Variants in COX7B2 observed in about 807,000 individuals in gnomAD.
COX7B2 encodes the protein cytochrome c oxidase subunit 7B2, mitochondrial.
For synonymous variants in COX7B2, 37 were observed against 32.1 expected (o/e 1.15, Z -0.51); for missense variants, 109 against 95.9 (o/e 1.14, Z -0.57).
chr4:46,808,433 C>A (rs1258464374), intron 2 of COX7B2, among the ~76,000 whole-genome samples: 1 of 151,552 alleles, frequency 6.6e-6, no homozygotes, highest in Non-Finnish European at 1.5e-5. Context: ...TTGTGGAATT[C>A]TGGTTTTTTT....
At chr4:46,769,735 T>G (rs1228959723) in intron 2 of COX7B2, among the ~76,000 whole-genome samples, 1 of 151,902 alleles carries the variant, frequency 6.6e-6, no homozygotes, top group Non-Finnish European at 1.5e-5. Flanking sequence ...AAACAAAAAC[T>G]GATGATTTTG....
chr4:46,903,472 TA>T (rs1720189010), intron 1 of COX7B2, among the ~76,000 whole-genome samples: 2 of 152,032 alleles, frequency 1.3e-5, no homozygotes, highest in African/African-American at 4.8e-5. Flanking sequence ...TTTTTTTTTT[TA>T]AATAAATTCA....
At chr4:46,882,433 C>A (rs1718807493) in intron 1 of COX7B2, among the ~76,000 whole-genome samples, 1 of 152,162 alleles carries the variant, frequency 6.6e-6, no homozygotes, top group Non-Finnish European at 1.5e-5. Flanking sequence ...ATCTACGTCT[C>A]TTTGTAGGTC....
intron 2 of COX7B2, among the ~76,000 whole-genome samples, chr4:46,739,703 A>T (rs114563679): frequency 0.011 from 1,708 of 152,188 alleles, 20 homozygotes; most frequent in Middle Eastern, 0.037. Context: ...GTGGGGAGGA[A>T]TACAGAGATG....
At chr4:46,876,923 A>G (rs562923535) in intron 1 of COX7B2, among the ~76,000 whole-genome samples, 5 of 152,348 alleles carry the variant, frequency 3.3e-5, no homozygotes, top group East Asian at 1.9e-4. Flanking sequence ...CTACTTTTGT[A>G]TATAAAAATT....
At chr4:46,781,129 A>G (rs115124404) in intron 2 of COX7B2, among the ~76,000 whole-genome samples, 1,674 of 152,298 alleles carry the variant, frequency 0.011, 19 homozygotes, top group Middle Eastern at 0.041. Flanking sequence ...TAGCTAGTAG[A>G]CTTACTATTA....
At chr4:46,738,397 A>G (rs2109391591) in intron 2 of COX7B2, among the ~76,000 whole-genome samples, 1 of 152,206 alleles carries the variant, frequency 6.6e-6, no homozygotes, top group South Asian at 2.1e-4. Context: ...TCTATTACTA[A>G]GAATTCTCCT....
intron 1 of COX7B2, among the ~76,000 whole-genome samples, chr4:46,848,266 C>T (rs1213332439): frequency 6.6e-6 from 1 of 151,982 alleles, no homozygotes; most frequent in African/African-American, 2.4e-5. Flanking sequence ...ATTACTAAAT[C>T]ACTAACATAC....
At chr4:46,818,944 C>G (rs1324209269) in intron 2 of COX7B2, among the ~76,000 whole-genome samples, 1 of 152,184 alleles carries the variant, frequency 6.6e-6, no homozygotes, top group African/African-American at 2.4e-5. Flanking sequence ...AAAATTCTTT[C>G]TACTTATTAC....
chr4:46,781,413 C>A (rs1717438931), intron 2 of COX7B2, among the ~76,000 whole-genome samples: 1 of 152,236 alleles, frequency 6.6e-6, no homozygotes, highest in African/African-American at 2.4e-5. Context: ...ATCTGATACA[C>A]CTTCCTCAGA....
chr4:46,738,834 C>T (rs990221924), intron 2 of COX7B2, among the ~76,000 whole-genome samples: 1 of 151,966 alleles, frequency 6.6e-6, no homozygotes, highest in African/African-American at 2.4e-5. Flanking sequence ...AGTAAAAGTT[C>T]CCTCATGCCC....
At chr4:46,802,968 T>C (rs1718738302) in intron 2 of COX7B2, among the ~76,000 whole-genome samples, 1 of 152,158 alleles carries the variant, frequency 6.6e-6, no homozygotes, top group Non-Finnish European at 1.5e-5. Context: ...TACGTTCCAC[T>C]CCCAAATACA....
In COX7B2 at chr4:46,905,252, T is replaced by A. The variant is rs982678567; in HGVS notation, c.-105+3908A>T. Among the ~76,000 whole-genome samples the A allele has an allele frequency of 3.9e-5, 6 of 152,270 alleles. No individual in the cohort carries two copies. In the South Asian group the frequency reaches 1.2e-3, roughly 32 times the overall value. ...GGTTTGTCAAATTTACATTTTTCCA[T>A]CTGTTTTAACTTCGCAAATGTATGG... On this transcript the variant is annotated intron_variant, in intron 1 of 2. Coordinates refer to ENST00000355591, the MANE Select transcript of COX7B2 (RefSeq NM_130902.3).
intron 2 of COX7B2, among the ~76,000 whole-genome samples, chr4:46,756,853 C>A (rs1715832158): frequency 6.6e-6 from 1 of 151,966 alleles, no homozygotes; most frequent in African/African-American, 2.4e-5. Context: ...TAAATTAGTA[C>A]AAACTTAATG....
intron 2 of COX7B2, among the ~76,000 whole-genome samples, chr4:46,813,570 G>A (rs1719396195): frequency 6.6e-6 from 1 of 152,190 alleles, no homozygotes; most frequent in Admixed American, 6.5e-5. Flanking sequence ...TGGAGGGCAA[G>A]GAAAGGGAGA....
At chr4:46,881,304 A>G (rs1245329813) in intron 1 of COX7B2, among the ~76,000 whole-genome samples, 3 of 152,194 alleles carry the variant, frequency 2.0e-5, no homozygotes, top group African/African-American at 7.2e-5. Flanking sequence ...GAAAGGCAGG[A>G]CAACTGGAAG....
intron 1 of COX7B2, among the ~76,000 whole-genome samples, chr4:46,888,494 A>G (rs1719220165): frequency 6.7e-6 from 1 of 149,652 alleles, no homozygotes; most frequent in Admixed American, 6.7e-5. Context: ...CCCAGGCTGG[A>G]GTGCAGTGGC....
chr4:46,745,789 A>G (rs1714989348), intron 2 of COX7B2, among the ~76,000 whole-genome samples: 1 of 152,216 alleles, frequency 6.6e-6, no homozygotes, highest in African/African-American at 2.4e-5. Flanking sequence ...GAGGTTACCC[A>G]TCTAAAAACA....
intron 2 of COX7B2, among the ~76,000 whole-genome samples, chr4:46,794,247 T>C (rs1210113529): frequency 6.6e-6 from 1 of 152,084 alleles, no homozygotes; most frequent in Non-Finnish European, 1.5e-5. Context: ...CAAGTTGGAT[T>C]AGGATGAATA....
Sources: allele counts gnomAD v4.1 joint callset (sites outside exome capture counted in the v4.1 genomes callset), GRCh38; gene constraint gnomAD v4.1.1; transcripts MANE v1.5; gene names NCBI Gene and HGNC (gene_info 2026-07-23, HGNC 2026-07-21).